The following HMGN5 variants were observed in gnomAD, a reference collection of about 807,000 sequenced individuals.
HMGN5 encodes high mobility group nucleosome-binding domain-containing protein 5.
Under a neutral mutation model 9.5 loss-of-function variants are expected in HMGN5, and 4 were observed. The observed-to-expected ratio is 0.42, with a 90% confidence interval of 0.21 to 0.96. The LOEUF (loss-of-function observed/expected upper bound fraction) is 0.96. HMGN5 is among the 40% of genes least tolerant of loss of function. The pLI is 0.30. For synonymous variants in HMGN5, 55 were observed against 57.1 expected, an observed-to-expected ratio of 0.96 and a Z score of 0.16; for missense variants, 192 against 187.5, an observed-to-expected ratio of 1.02 and a Z score of -0.14.
At chrX:81,193,219 T>C (rs749865853) in intron 1 of HMGN5, among the ~76,000 whole-genome samples, 35 of 111,759 alleles carry the variant, frequency 3.1e-4, no homozygotes, top group Non-Finnish European at 5.6e-4. Context: ...TTCTGCCTTG[T>C]TCATTGGGCT....
intron 1 of HMGN5, among the ~76,000 whole-genome samples, chrX:81,196,541 G>GTTTGTTT (rs1389805114): frequency 1.9e-5 from 2 of 105,778 alleles, no homozygotes; most frequent in Non-Finnish European, 3.9e-5. Flanking sequence ...TTTTTTGTTT[G>GTTTGTTT]TTTGTTTTTT....
chrX:81,145,238 C>A (rs1378534895), intron 1 of HMGN5, among the ~76,000 whole-genome samples: 1 of 111,769 alleles, frequency 8.9e-6, no homozygotes, highest in Non-Finnish European at 1.9e-5. Flanking sequence ...ATGTTAATGG[C>A]AGCCAGACCT....
chrX:81,123,170 AATT>A (rs1169110665), intron 1 of HMGN5, among the ~76,000 whole-genome samples: 2 of 110,527 alleles, frequency 1.8e-5, no homozygotes, highest in Non-Finnish European at 3.8e-5. Context: ...AACCCATTGT[AATT>A]ATTATATTTA....
intron 1 of HMGN5, among the ~76,000 whole-genome samples, chrX:81,179,431 A>G (rs1419681681): frequency 9.0e-6 from 1 of 111,670 alleles, no homozygotes; most frequent in South Asian, 3.8e-4. Flanking sequence ...GAGCCAAATC[A>G]TGAGTGAACT....
At chrX:81,122,974 C>T (rs759356653) in intron 1 of HMGN5, among the ~76,000 whole-genome samples, 1 of 111,216 alleles carries the variant, frequency 9.0e-6, no homozygotes, top group African/African-American at 3.3e-5. Context: ...CAAACAACAA[C>T]CCAAATCCTT....
At chrX:81,201,597 T>G (rs1283580046) in intron 1 of HMGN5, 140 bp downstream of exon 1, 1 of 111,975 alleles carries the variant, frequency 8.9e-6, no homozygotes, top group Non-Finnish European at 1.9e-5. Flanking sequence ...TAAGGAAACC[T>G]GAAACTTTCC....
intron 1 of HMGN5, among the ~76,000 whole-genome samples, chrX:81,188,698 T>G (rs891584143): frequency 1.8e-5 from 2 of 109,081 alleles, no homozygotes; most frequent in African/African-American, 6.7e-5. Flanking sequence ...CATTGTTCAA[T>G]TCCCGCCTAT....
intron 1 of HMGN5, among the ~76,000 whole-genome samples, chrX:81,180,620 A>C (rs1035558421): frequency 2.0e-4 from 22 of 112,058 alleles, no homozygotes; most frequent in African/African-American, 6.2e-4. Flanking sequence ...AATTAGTTCA[A>C]CCATTGTGGA....
rs1251910898 is a variant in HMGN5, at chrX:81,174,659, T to C, written c.-124+27078A>G. On this transcript the variant is annotated intron_variant, in intron 1 of 6. Coordinates refer to ENST00000358130, the MANE Select transcript of HMGN5 (RefSeq NM_030763.3). ...GCTTAAATATTATGTCTTAGATTTA[T>C]CCTCCATCAAATAAGGATAATAATA... Among the ~76,000 whole-genome samples, 4 of 111,527 alleles carry C rather than the reference T, an allele frequency of 3.6e-5. No homozygotes were observed. In the Admixed American group the frequency reaches 3.8e-4, roughly 11 times the overall value.
intron 1 of HMGN5, among the ~76,000 whole-genome samples, chrX:81,140,229 A>T (rs1246234831): frequency 9.0e-6 from 1 of 111,135 alleles, no homozygotes; most frequent in African/African-American, 3.3e-5. Context: ...ACATTTCCAG[A>T]CATACCTTGA....
intron 1 of HMGN5, among the ~76,000 whole-genome samples, chrX:81,176,292 A>C (rs1735189823): frequency 8.9e-6 from 1 of 111,996 alleles, no homozygotes. Flanking sequence ...CCAACATGAA[A>C]GACCAAAGGT....
chrX:81,186,067 T>C (rs1293775643), intron 1 of HMGN5, among the ~76,000 whole-genome samples: 2 of 111,904 alleles, frequency 1.8e-5, no homozygotes, highest in African/African-American at 6.5e-5. Flanking sequence ...GATATTCACC[T>C]ATAGTTCTCC....
At chrX:81,179,617 G>A (rs1331913997) in intron 1 of HMGN5, among the ~76,000 whole-genome samples, 1 of 111,499 alleles carries the variant, frequency 9.0e-6, no homozygotes, top group Non-Finnish European at 1.9e-5. Flanking sequence ...CGTGAAAGTG[G>A]CCATACTGCC....
In HMGN5 at chrX:81,156,501, T is replaced by G. The variant is rs757384945; in HGVS notation, c.-123-34829A>C. On this transcript the variant is annotated intron_variant, in intron 1 of 6. Transcript: ENST00000358130. Reference sequence around the variant, plus strand: ...CAAACTTGAAGTCGTTGGTTAAATATTAGTGTCTCAGTGAGACCTTTCCTG... The same window carrying G: ...CAAACTTGAAGTCGTTGGTTAAATAGTAGTGTCTCAGTGAGACCTTTCCTG... 5.3e-5 allele frequency among the ~76,000 whole-genome samples: 6 copies of G among 112,482 alleles called. No homozygotes were observed. In the South Asian group the frequency reaches 2.2e-3, roughly 41 times the overall value.
chrX:81,153,288 C>T (rs541595110), intron 1 of HMGN5, among the ~76,000 whole-genome samples: 78 of 107,601 alleles, frequency 7.2e-4, no homozygotes, highest in Non-Finnish European at 1.3e-3. Context: ...CTTGGTGGCT[C>T]ACACCTGTAA....
At chrX:81,183,603 A>G (rs2075469031) in intron 1 of HMGN5, among the ~76,000 whole-genome samples, 1 of 112,625 alleles carries the variant, frequency 8.9e-6, no homozygotes, top group African/African-American at 3.2e-5. Context: ...GGATTCCAGA[A>G]GATGTATGGA....
intron 2 of HMGN5, among the ~76,000 whole-genome samples, chrX:81,120,141 A>G (rs1180562074): frequency 8.9e-6 from 1 of 112,062 alleles, no homozygotes; most frequent in Non-Finnish European, 1.9e-5. Context: ...AAAGCCAAAA[A>G]TGTGGGGGTG....
chrX:81,163,999 C>T (rs2075404481), intron 1 of HMGN5, among the ~76,000 whole-genome samples: 1 of 111,335 alleles, frequency 9.0e-6, no homozygotes, highest in African/African-American at 3.3e-5. Context: ...TCTGTAGTTT[C>T]ATATTTGTTT....
chrX:81,177,367 C>CAAAAAAAAAAAAAAAAAAAA (rs148090852), intron 1 of HMGN5, among the ~76,000 whole-genome samples: 3 of 10,666 alleles, frequency 2.8e-4, no homozygotes, highest in Non-Finnish European at 3.4e-4. Context: ...AAATGGAAAG[C>CAAAAAAAAAAAAAAAAAAAA]AAAAAAAAAA....
Sources: allele counts gnomAD v4.1 joint callset (sites outside exome capture counted in the v4.1 genomes callset), GRCh38; gene constraint gnomAD v4.1.1; transcripts MANE v1.5; gene names NCBI Gene and HGNC (gene_info 2026-07-23, HGNC 2026-07-21).